RIN2: variants seen among roughly 807,000 people sequenced by gnomAD.
RIN2 encodes the protein Ras and Rab interactor 2.
Under a neutral mutation model 78.0 loss-of-function variants are expected in RIN2, and 36 were observed. That is an observed-to-expected ratio of 0.46 (90% CI 0.35 to 0.61). RIN2 has a LOEUF of 0.61. Ranked by LOEUF, RIN2 falls within the 20% of genes least tolerant of loss-of-function variation. The pLI, the probability that RIN2 is intolerant of heterozygous loss-of-function variation, is 0.00. For missense variants in RIN2, 1,087 were observed against 1,159.7 expected (o/e 0.94, Z 0.91); for synonymous variants, 466 against 466.8 (o/e 1.00, Z 0.02).
At chr20:19,931,283 A>G (rs2040428295) in intron 3 of RIN2, among the ~76,000 whole-genome samples, 1 of 151,796 alleles carries the variant, frequency 6.6e-6, no homozygotes, top group Non-Finnish European at 1.5e-5. Flanking sequence ...AATTTTAATA[A>G]TATAACATGT....
At chr20:19,764,918 G>GTTTTTTGTTT in intron 1 of RIN2, among the ~76,000 whole-genome samples, 1 of 50,362 alleles carries the variant, frequency 2.0e-5, no homozygotes, top group Non-Finnish European at 3.6e-5. Context: ...CACTTTCTGC[G>GTTTTTTGTTT]TTTTTTTTTT....
chr20:19,920,342 A>G (rs941392064), intron 3 of RIN2, among the ~76,000 whole-genome samples: 6 of 152,032 alleles, frequency 3.9e-5, no homozygotes, highest in Non-Finnish European at 7.4e-5. Context: ...TGGTACTTCA[A>G]TCATTTCACT....
At chr20:19,788,034 T>C (rs2034739815) in intron 1 of RIN2, among the ~76,000 whole-genome samples, 2 of 152,198 alleles carry the variant, frequency 1.3e-5, no homozygotes, top group Admixed American at 6.5e-5. Flanking sequence ...ATTTAACATT[T>C]AGATTAAAAA....
intron 3 of RIN2, among the ~76,000 whole-genome samples, chr20:19,902,758 A>G (rs1373532829): frequency 6.6e-6 from 1 of 152,236 alleles, no homozygotes; most frequent in East Asian, 1.9e-4. Flanking sequence ...TGCAATATTT[A>G]GCACATACTT....
At chr20:19,844,556 G>T (rs1296478181) in intron 2 of RIN2, among the ~76,000 whole-genome samples, 1 of 151,892 alleles carries the variant, frequency 6.6e-6, no homozygotes, top group African/African-American at 2.4e-5. Context: ...GAATGGTGGA[G>T]AACATGGCCA....
chr20:19,829,272 A>G (rs1053006593), intron 2 of RIN2, among the ~76,000 whole-genome samples: 5 of 152,160 alleles, frequency 3.3e-5, no homozygotes, highest in African/African-American at 1.2e-4. Flanking sequence ...ATGGAAACCC[A>G]AAGTTGTATG....
rs1227423693 is a variant in RIN2, at chr20:19,844,593, GCTT to G, written c.-37+44851_-37+44853del. Among the ~76,000 whole-genome samples, 418 of 63,872 alleles carry G rather than the reference GCTT, an allele frequency of 6.5e-3. 9 individuals carry two copies. The highest frequency in any genetic ancestry group is 0.02 in the African/African-American group (386 of 19,290). The allele number at this position is 63,872 out of a possible 152,430, so 41.9% of individuals were successfully genotyped here. On this transcript the variant is annotated intron_variant, in intron 2 of 12. Transcript: ENST00000255006. ...CTAGAGAGCTGCTGCTGCTGCTGCT[GCTT>G]CTTCCTCTTCTTCTTCTTCTTCTTC...
intron 2 of RIN2, among the ~76,000 whole-genome samples, chr20:19,846,143 G>C (rs1393340684): frequency 6.6e-6 from 1 of 152,190 alleles, no homozygotes; most frequent in African/African-American, 2.4e-5. Context: ...TTGTAGTATA[G>C]TTTGAAGTCA....
chr20:19,907,297 G>A (rs1366668796), intron 3 of RIN2, among the ~76,000 whole-genome samples: 1 of 152,164 alleles, frequency 6.6e-6, no homozygotes, highest in Non-Finnish European at 1.5e-5. Flanking sequence ...CTGTTGCATT[G>A]AAGATTAAGT....
intron 4 of RIN2, among the ~76,000 whole-genome samples, chr20:19,942,898 T>G (rs2040938667): frequency 6.6e-6 from 1 of 152,256 alleles, no homozygotes; most frequent in South Asian, 2.1e-4. Context: ...GAATTGGAGC[T>G]ATTTTGTGCT....
intron 2 of RIN2, among the ~76,000 whole-genome samples, chr20:19,820,289 A>G (rs2035889265): frequency 1.3e-5 from 2 of 152,198 alleles, no homozygotes; most frequent in African/African-American, 2.4e-5. Flanking sequence ...AAATAAGGTC[A>G]TTTTAAATGG....
At chr20:19,993,549 A>C (rs1208296479) in intron 11 of RIN2, among the ~76,000 whole-genome samples, 1 of 151,964 alleles carries the variant, frequency 6.6e-6, no homozygotes, top group African/African-American at 2.4e-5. Context: ...GGGGATGAAT[A>C]TCTCTCCTCC....
intron 2 of RIN2, among the ~76,000 whole-genome samples, chr20:19,820,348 G>A (rs1271009398): frequency 6.6e-6 from 1 of 152,212 alleles, no homozygotes; most frequent in Admixed American, 6.5e-5. Context: ...GCCTTTCTCA[G>A]TGAGTGAGAT....
chr20:19,786,919 T>C (rs2034695719), intron 1 of RIN2, among the ~76,000 whole-genome samples: 1 of 152,232 alleles, frequency 6.6e-6, no homozygotes, highest in Admixed American at 6.5e-5. Context: ...TGCAAAGCTT[T>C]ATGTATCTAT....
At chr20:19,829,888 C>T (rs2036201389) in intron 2 of RIN2, among the ~76,000 whole-genome samples, 1 of 152,238 alleles carries the variant, frequency 6.6e-6, no homozygotes, top group Non-Finnish European at 1.5e-5. Flanking sequence ...GTCTCATTCC[C>T]TGCATCACTC....
chr20:19,923,826 G>A (rs914866451), intron 3 of RIN2, among the ~76,000 whole-genome samples: 1 of 152,026 alleles, frequency 6.6e-6, no homozygotes, highest in Non-Finnish European at 1.5e-5. Flanking sequence ...GATAGTGAAC[G>A]TTGCTTTTTG....
At chr20:19,872,217 A>T (rs1235358516) in intron 2 of RIN2, 1 of 152,084 alleles carries the variant, frequency 6.6e-6, no homozygotes, top group African/African-American at 2.4e-5. Flanking sequence ...CTATGATTGT[A>T]AGTTGCCTGA....
At chr20:19,985,717 G>T (rs2042600589) in intron 9 of RIN2, among the ~76,000 whole-genome samples, 3 of 152,098 alleles carry the variant, frequency 2.0e-5, no homozygotes, top group Admixed American at 2.0e-4. Context: ...CTCAACAACA[G>T]CAACAACAAA....
chr20:19,997,336 G>A (rs750803097), intron 12 of RIN2, among the ~76,000 whole-genome samples: 40 of 152,332 alleles, frequency 2.6e-4, no homozygotes, highest in Middle Eastern at 3.4e-3. Flanking sequence ...GTGACCAGGC[G>A]AGCATCTGAG....
Sources: allele counts gnomAD v4.1 joint callset (sites outside exome capture counted in the v4.1 genomes callset), GRCh38; gene constraint gnomAD v4.1.1; transcripts MANE v1.5; gene names NCBI Gene and HGNC (gene_info 2026-07-23, HGNC 2026-07-21).